The following KIF18A variants were observed in gnomAD, a reference collection of about 807,000 sequenced individuals.
KIF18A encodes kinesin-like protein KIF18A.
Under a neutral mutation model 103.3 loss-of-function variants are expected in KIF18A, and 67 were observed. That is an observed-to-expected ratio of 0.65 (90% confidence interval 0.53 to 0.79). KIF18A has a LOEUF of 0.79. Ranked by LOEUF, KIF18A falls within the 30% of genes least tolerant of loss-of-function variation. KIF18A has a pLI of 0.00. For synonymous variants in KIF18A, 367 were observed against 355.5 expected, an observed-to-expected ratio of 1.03 and a Z score of -0.36; for missense variants, 1,032 against 1,062.5, an observed-to-expected ratio of 0.97 and a Z score of 0.40.
chr11:28,071,812 T>C (rs1259145246), intron 10 of KIF18A, among the ~76,000 whole-genome samples: 1 of 152,186 alleles, frequency 6.6e-6, no homozygotes, highest in East Asian at 1.9e-4. Context: ...AGTTACTTCG[T>C]CTGAAAAATG....
chr11:28,097,507 T>A (rs776462987), intron 2 of KIF18A, 116 bp downstream of exon 2: 1 of 740,324 alleles, frequency 1.4e-6, no homozygotes, highest in Non-Finnish European at 2.4e-6. Flanking sequence ...TTCTTAAGAA[T>A]TTTTAGCATA....
At chr11:28,087,307 C>T (rs1851241515) in intron 6 of KIF18A, among the ~76,000 whole-genome samples, 1 of 152,160 alleles carries the variant, frequency 6.6e-6, no homozygotes, top group South Asian at 2.1e-4. Flanking sequence ...TGTTCAACTC[C>T]CACTTATGAG....
At chr11:28,090,807 A>C in intron 4 of KIF18A, 80 bp from the exon 5 acceptor site, 4 of 707,886 alleles carry the variant, frequency 5.7e-6, no homozygotes, top group East Asian at 2.7e-5. Context: ...CAAAAAACAA[A>C]AAGATTTAAA....
intron 5 of KIF18A, among the ~76,000 whole-genome samples, chr11:28,089,487 T>C (rs1851273763): frequency 6.6e-6 from 1 of 152,220 alleles, no homozygotes; most frequent in African/African-American, 2.4e-5. Context: ...TTGTATGTAC[T>C]ATATTTTCAT....
intron 1 of KIF18A, among the ~76,000 whole-genome samples, chr11:28,100,956 A>C (rs1384905): frequency 0.15 from 22,260 of 152,100 alleles, 1,800 homozygotes; most frequent in East Asian, 0.28. Flanking sequence ...AAGAGATAAT[A>C]ATACCTCAAT....
In KIF18A at chr11:28,058,944, C is replaced by T. The variant is rs777161628; in HGVS notation, c.1930G>A (p.Val644Ile). 3.7e-6 allele frequency: 6 copies of T among 1,613,748 alleles called. No homozygotes were observed. The Admixed American group carries it at 6.7e-5, about 18-fold the overall frequency. The stretch of plus-strand genomic sequence containing the variant: ...TACTTACAACAAGGAATAGGCTGAA[C>T]TGGTCCAAGTTGTGGAAAGGTCATA... The part of the protein sequence containing the change: ...VLMTFPQLGP[V>I]QPIPCCSSSG... Residue 644 changes from valine to isoleucine, a missense_variant, in exon 13 of 17, where the codon GTT becomes ATT. Coordinates refer to ENST00000263181, the MANE Select transcript of KIF18A (RefSeq NM_031217.4).
chr11:28,083,529 G>T (rs1033224765), intron 7 of KIF18A, among the ~76,000 whole-genome samples: 3 of 152,072 alleles, frequency 2.0e-5, no homozygotes, highest in Admixed American at 2.0e-4. Context: ...GTAATGCAGA[G>T]ATAGTTTTTC....
intron 9 of KIF18A, among the ~76,000 whole-genome samples, chr11:28,078,460 A>C (rs868597192): frequency 7.9e-5 from 12 of 152,092 alleles, no homozygotes; most frequent in South Asian, 2.1e-4. Context: ...ATCTAGACTT[A>C]TTTTAGGTGG....
intron 10 of KIF18A, among the ~76,000 whole-genome samples, chr11:28,075,283 G>A (rs1459385384): frequency 6.6e-6 from 1 of 152,074 alleles, no homozygotes; most frequent in Non-Finnish European, 1.5e-5. Context: ...AAGAGCACAG[G>A]CTCTAGATCT....
At chr11:28,101,982 A>G (rs1328162449) in intron 1 of KIF18A, among the ~76,000 whole-genome samples, 1 of 152,118 alleles carries the variant, frequency 6.6e-6, no homozygotes, top group Non-Finnish European at 1.5e-5. Flanking sequence ...TTGCTTTTCA[A>G]TTGACTCTGG....
intron 13 of KIF18A, among the ~76,000 whole-genome samples, chr11:28,057,428 T>C (rs1850795275): frequency 1.3e-5 from 2 of 151,962 alleles, no homozygotes; most frequent in African/African-American, 4.8e-5. Flanking sequence ...GGCAGGAGAA[T>C]GGTGTGAACC....
intron 13 of KIF18A, among the ~76,000 whole-genome samples, chr11:28,039,303 A>T (rs1306190647): frequency 4.0e-5 from 6 of 151,718 alleles, no homozygotes; most frequent in African/African-American, 1.2e-4. Flanking sequence ...TATATTTCAA[A>T]CAGTGCTTCA....
chr11:28,059,887 C>G (rs1316247897), intron 12 of KIF18A, among the ~76,000 whole-genome samples: 1 of 151,210 alleles, frequency 6.6e-6, no homozygotes, highest in Non-Finnish European at 1.5e-5. Context: ...AACATTAAAA[C>G]ACACACACAC....
chr11:28,078,940 GA>G (rs1224483430), intron 9 of KIF18A, among the ~76,000 whole-genome samples: 3 of 151,950 alleles, frequency 2.0e-5, no homozygotes, highest in Non-Finnish European at 4.4e-5. Context: ...ATTTTTAGGG[GA>G]AATAACAAAA....
At chr11:28,082,462 C>T (rs1249669290) in intron 9 of KIF18A, among the ~76,000 whole-genome samples, 1 of 152,080 alleles carries the variant, frequency 6.6e-6, no homozygotes, top group Non-Finnish European at 1.5e-5. Flanking sequence ...TTATGACTTG[C>T]TGAAGGTTCA....
chr11:28,066,649 T>G (rs2133535166), intron 11 of KIF18A, among the ~76,000 whole-genome samples: 1 of 151,734 alleles, frequency 6.6e-6, no homozygotes, highest in Admixed American at 6.6e-5. Flanking sequence ...CCCAATGACT[T>G]AGGAAATATG....
At chr11:28,105,047 A>C (rs1851487711) in intron 1 of KIF18A, among the ~76,000 whole-genome samples, 1 of 152,132 alleles carries the variant, frequency 6.6e-6, no homozygotes. Flanking sequence ...CAACAAAACC[A>C]CTATTAAAAT....
At chr11:28,034,479 T>TTTA (rs1384243016) in intron 15 of KIF18A, among the ~76,000 whole-genome samples, 6 of 151,718 alleles carry the variant, frequency 4.0e-5, no homozygotes, top group African/African-American at 1.4e-4. Flanking sequence ...TCCTAATGTG[T>TTTA]TTAACAGGGT....
At chr11:28,092,270 T>C (rs1488682384) in intron 3 of KIF18A, among the ~76,000 whole-genome samples, 1 of 152,152 alleles carries the variant, frequency 6.6e-6, no homozygotes, top group Non-Finnish European at 1.5e-5. Context: ...AGAGCTTAAA[T>C]GTTACAGAAA....
Sources: gnomAD v4.1 joint callset for allele counts (sites outside exome capture counted in the v4.1 genomes callset) on GRCh38, gnomAD v4.1.1 for gene constraint, MANE v1.5 for transcripts, NCBI Gene and HGNC (gene_info 2026-07-23, HGNC 2026-07-21) for gene names.